Variants in PLEKHM3 observed in about 807,000 individuals in gnomAD.
PLEKHM3 encodes pleckstrin homology domain containing M3.
PLEKHM3 carries 45 observed loss-of-function variants against 81.8 expected under a neutral mutation model. The ratio of observed to expected loss-of-function variants is 0.55; its 90% CI spans 0.43 to 0.71. PLEKHM3 has a LOEUF of 0.71. PLEKHM3 is among the 30% of genes least tolerant of loss of function. PLEKHM3 has a pLI of 0.00. For synonymous variants in PLEKHM3, 352 were observed against 356.4 expected (o/e 0.99, Z 0.14); for missense variants, 788 against 924.3 (o/e 0.85, Z 1.91).
chr2:208,002,951 T>A (rs1287937137), intron 1 of PLEKHM3, among the ~76,000 whole-genome samples: 1 of 151,992 alleles, frequency 6.6e-6, no homozygotes, highest in Non-Finnish European at 1.5e-5. Flanking sequence ...AGGGCTTTTT[T>A]AATCCTTAAC....
intron 5 of PLEKHM3, among the ~76,000 whole-genome samples, chr2:207,924,451 G>A (rs957385850): frequency 1.3e-5 from 2 of 152,074 alleles, no homozygotes; most frequent in Non-Finnish European, 2.9e-5. Context: ...TGGGGACGCC[G>A]AGGCAGGTGG....
At chr2:207,907,010 T>C (rs1033828396) in intron 6 of PLEKHM3, among the ~76,000 whole-genome samples, 2 of 152,090 alleles carry the variant, frequency 1.3e-5, no homozygotes, top group Non-Finnish European at 2.9e-5. Flanking sequence ...TCACAGCAGT[T>C]TGAGATACTC....
intron 4 of PLEKHM3, among the ~76,000 whole-genome samples, chr2:207,943,595 G>A (rs899184665): frequency 2.6e-5 from 4 of 151,994 alleles, no homozygotes; most frequent in South Asian, 2.1e-4. Flanking sequence ...TAGGCCGGGC[G>A]CGGTGGCTCA....
intron 5 of PLEKHM3, among the ~76,000 whole-genome samples, chr2:207,910,098 G>A (rs1354297838): frequency 6.6e-6 from 1 of 152,214 alleles, no homozygotes; most frequent in Admixed American, 6.5e-5. Context: ...GGAATGAGAT[G>A]AGTGACAAGG....
intron 2 of PLEKHM3, among the ~76,000 whole-genome samples, chr2:207,988,723 C>T (rs1037108674): frequency 8.5e-5 from 13 of 152,180 alleles, no homozygotes; most frequent in African/African-American, 2.9e-4. Flanking sequence ...TGGCTGAACC[C>T]GTCTTCTTCC....
chr2:207,955,548 G>GT (rs1690475511), intron 3 of PLEKHM3, among the ~76,000 whole-genome samples: 1 of 152,132 alleles, frequency 6.6e-6, no homozygotes, highest in South Asian at 2.1e-4. Flanking sequence ...AAATACATGT[G>GT]TATGTCTCTG....
intron 3 of PLEKHM3, among the ~76,000 whole-genome samples, chr2:207,974,043 C>G (rs960696612): frequency 6.6e-6 from 1 of 152,162 alleles, no homozygotes; most frequent in Non-Finnish European, 1.5e-5. Context: ...GACTGCCTTC[C>G]TCCCCTGATT....
At chr2:207,833,630 G>A (rs1429028869) in intron 7 of PLEKHM3, among the ~76,000 whole-genome samples, 1 of 152,258 alleles carries the variant, frequency 6.6e-6, no homozygotes, top group Middle Eastern at 3.4e-3. Flanking sequence ...ATGTGTAGCA[G>A]CATCCCTGGC....
In PLEKHM3 at chr2:207,826,149, G is replaced by C. The variant is rs2092250399; in HGVS notation, c.*2170C>G. 1 of 152,286 alleles carries C rather than the reference G, an allele frequency of 6.6e-6. No individual in the cohort carries two copies. Among genetic ancestry groups the C allele is most frequent in the Non-Finnish European group, 1.5e-5 (1 of 68,086 alleles). 9.4% of individuals were successfully genotyped at this position (152,286 alleles called of 1,614,324 possible). ...TTAATTACAGCGAAGGCAAAAGTAA[G>C]CTACAGTGACAGGGAGCTGGGGGCG... On this transcript the variant is annotated 3_prime_UTR_variant, in exon 8 of 8. Transcript: ENST00000427836.
intron 6 of PLEKHM3, among the ~76,000 whole-genome samples, chr2:207,862,780 C>A (rs893596132): frequency 6.6e-6 from 1 of 152,166 alleles, no homozygotes; most frequent in Admixed American, 6.5e-5. Context: ...TGTAATCATG[C>A]CTTTTGTAAA....
In PLEKHM3 at chr2:207,906,627, A is replaced by G. The variant is rs140420733; in HGVS notation, c.1950+1887T>C. Among the ~76,000 whole-genome samples, 457 of 152,184 alleles carry G rather than the reference A, an allele frequency of 3.0e-3. 6 individuals carry two copies. The highest frequency in any genetic ancestry group is 0.01 in the African/African-American group (436 of 41,528). The stretch of plus-strand genomic sequence containing the variant: ...AACACGGTGAAACCCCGTCTCTAGT[A>G]AAAATGCAAAAATTAGACAGGGCTG... On this transcript the variant is annotated intron_variant, in intron 6 of 7. Coordinates refer to ENST00000427836, the MANE Select transcript of PLEKHM3 (RefSeq NM_001080475.3).
intron 4 of PLEKHM3, among the ~76,000 whole-genome samples, chr2:207,937,911 C>T (rs1689808981): frequency 6.6e-6 from 1 of 152,182 alleles, no homozygotes; most frequent in African/African-American, 2.4e-5. Flanking sequence ...AGGAAACCTT[C>T]AGTTTAATTA....
Position 207,906,305 on chromosome 2 carries a change from C to T in PLEKHM3, c.1950+2209G>A, listed in dbSNP as rs76792136. On this transcript the variant is annotated intron_variant, in intron 6 of 7. Coordinates refer to ENST00000427836, the MANE Select transcript of PLEKHM3 (RefSeq NM_001080475.3). The stretch of plus-strand genomic sequence containing the variant: ...CAACAATTTTAAGTAAAAATATACC[C>T]CTTTCCACCCTAGCCAGCAGACCAC... 3.0e-3 allele frequency among the ~76,000 whole-genome samples: 460 copies of T among 152,272 alleles called. 4 individuals are homozygous for T. The highest frequency in any genetic ancestry group is 6.8e-3 in the Middle Eastern group (2 of 294).
intron 3 of PLEKHM3, among the ~76,000 whole-genome samples, chr2:207,971,711 C>G (rs1441333560): frequency 1.3e-5 from 2 of 152,160 alleles, no homozygotes; most frequent in Non-Finnish European, 2.9e-5. Context: ...TATAGCACCA[C>G]AGATTCCCCA....
At chr2:207,863,120 T>G (rs1385823493) in intron 6 of PLEKHM3, among the ~76,000 whole-genome samples, 3 of 152,236 alleles carry the variant, frequency 2.0e-5, no homozygotes, top group Admixed American at 2.0e-4. Context: ...ACTAGAGAAC[T>G]GAGCCATGCA....
rs188968043 is a variant in PLEKHM3, at chr2:207,883,055, A to C, written c.1951-21793T>G. 4.5e-4 allele frequency among the ~76,000 whole-genome samples: 69 copies of C among 152,256 alleles called. 2 individuals are homozygous for C. The East Asian group carries it at 0.011, about 24-fold the overall frequency. ...GAGCTACCGCGCCTGGCTGAACTAC[A>C]CATACTCAACTTAGGATGCTCCACA... On this transcript the variant is annotated intron_variant, in intron 6 of 7. Transcript: ENST00000427836.
intron 3 of PLEKHM3, among the ~76,000 whole-genome samples, chr2:207,947,847 T>A (rs941171583): frequency 2.0e-5 from 3 of 152,200 alleles, no homozygotes; most frequent in Non-Finnish European, 4.4e-5. Flanking sequence ...CTGATTCACA[T>A]GAACTCCATG....
rs565877745 is a variant in PLEKHM3 at position 207,975,888 on chromosome 2, C to A, written c.1546+763G>T. Among the ~76,000 whole-genome samples the A allele has an allele frequency of 5.5e-5, 8 of 144,342 alleles. No individual in the cohort carries two copies. In the South Asian group the frequency reaches 1.1e-3, roughly 20 times the overall value. The allele number at this position is 144,342 out of a possible 152,430, so 94.7% of individuals were successfully genotyped here. A position where few individuals can be genotyped will look rare whatever the true frequency, so the allele number is the denominator to read the frequency against. Reference sequence around the variant, plus strand: ...CTGGGATTTCAGGTGTGAGCCACTGCACCTGGCACAATTTTTTTTTTTTTT... The same window carrying A: ...CTGGGATTTCAGGTGTGAGCCACTGAACCTGGCACAATTTTTTTTTTTTTT... On this transcript the variant is annotated intron_variant, in intron 3 of 7. Coordinates refer to ENST00000427836, the MANE Select transcript of PLEKHM3 (RefSeq NM_001080475.3).
intron 5 of PLEKHM3, among the ~76,000 whole-genome samples, chr2:207,913,984 C>T (rs889767344): frequency 1.3e-5 from 2 of 152,002 alleles, no homozygotes; most frequent in Admixed American, 1.3e-4. Context: ...CACACGCGCA[C>T]ACACACACCC....
Sources: gnomAD v4.1 joint callset for allele counts (sites outside exome capture counted in the v4.1 genomes callset) on GRCh38, gnomAD v4.1.1 for gene constraint, MANE v1.5 for transcripts, NCBI Gene and HGNC (gene_info 2026-07-23, HGNC 2026-07-21) for gene names.